HSPA12A: variants seen among roughly 807,000 people sequenced by gnomAD.
The protein encoded by HSPA12A is heat shock 70 kDa protein 12A.
In HSPA12A, 28 loss-of-function variants were observed where a neutral mutation model predicts 69.2. The observed-to-expected ratio is 0.40, with a 90% CI of 0.30 to 0.55. HSPA12A has a LOEUF of 0.55. HSPA12A is among the 20% of genes least tolerant of loss of function. The pLI, the probability that HSPA12A is intolerant of heterozygous loss-of-function variation, is 0.38. For synonymous variants in HSPA12A, 345 were observed against 370.5 expected, an observed-to-expected ratio of 0.93 and a Z score of 0.79; for missense variants, 686 against 900.7, an observed-to-expected ratio of 0.76 and a Z score of 3.05.
chr10:116,807,049 GGAAT>G (rs1306881313), intron 2 of HSPA12A, among the ~76,000 whole-genome samples: 1 of 152,202 alleles, frequency 6.6e-6, no homozygotes, highest in Non-Finnish European at 1.5e-5. Flanking sequence ...CGTCAGCCAA[GGAAT>G]GCCTGGAGCA....
chr10:116,731,553 A>G (rs1851153712), intron 1 of HSPA12A, among the ~76,000 whole-genome samples: 1 of 152,234 alleles, frequency 6.6e-6, no homozygotes. Flanking sequence ...CAGTTACCCC[A>G]TGTAGCATGA....
chr10:116,738,990 T>C (rs1205719429), intron 1 of HSPA12A, among the ~76,000 whole-genome samples: 1 of 152,186 alleles, frequency 6.6e-6, no homozygotes, highest in Non-Finnish European at 1.5e-5. Flanking sequence ...GCCCAGAGCA[T>C]CACCCTGACC....
At chr10:116,677,606 C>A (rs1849277484) in intron 10 of HSPA12A, among the ~76,000 whole-genome samples, 1 of 152,228 alleles carries the variant, frequency 6.6e-6, no homozygotes, top group Non-Finnish European at 1.5e-5. Flanking sequence ...TCCAGACTGG[C>A]CCTGCTCCAA....
chr10:116,674,523 T>G lies in HSPA12A; in HGVS notation c.*258A>C. On this transcript the variant is annotated 3_prime_UTR_variant, in exon 12 of 12. Transcript: ENST00000369209. Reference sequence around the variant, plus strand: ...CTTCTCCGTGGCCATTTCACCACTTTTGTACCTATGAAAACTAGCTGCTCC... The same window carrying G: ...CTTCTCCGTGGCCATTTCACCACTTGTGTACCTATGAAAACTAGCTGCTCC... 1 of 521,788 alleles carries G rather than the reference T, an allele frequency of 1.9e-6. No homozygotes were observed. Among genetic ancestry groups the G allele is most frequent in the African/African-American group, 1.9e-5 (1 of 52,608 alleles). The allele number at this position is 521,788 out of a possible 1,614,324, so 32.3% of individuals were successfully genotyped here.
chr10:116,707,249 C>T lies in HSPA12A; in HGVS notation c.77G>A (p.Arg26Gln), dbSNP rs187384662. ...CGTTATTCCTGTGTCCCCAAGACTC[C>T]GGGCTGGAGATGAATATGCAGATGT... ...APTSAYSSPARSLGDTGITPL... is the reference protein window; with the variant it reads ...APTSAYSSPAQSLGDTGITPL... Residue 26 changes from arginine to glutamine, a missense_variant, in exon 2 of 12, where the codon CGG becomes CAG. Arg to Gln is a conservative substitution (Grantham distance 43). Transcript: ENST00000369209. The T allele has an allele frequency of 1.7e-4, 279 of 1,612,876 alleles. 1 individual carries two copies. The East Asian group carries it at 4.4e-3, about 26-fold the overall frequency.
intron 1 of HSPA12A, among the ~76,000 whole-genome samples, chr10:116,740,669 TGTGTGTCTGTGTGTGTGTGTGTGTGTGC>T (rs1191003747): frequency 0.063 from 354 of 5,608 alleles, 5 homozygotes; most frequent in African/African-American, 0.13. Flanking sequence ...TGTGTGTGTG[TGTGTGTCTGTGTGTGTGTGTGTGTGTGC>T]GTGTGTGTGT....
chr10:116,691,606 T>A (rs1191927422), intron 6 of HSPA12A, among the ~76,000 whole-genome samples: 1 of 152,168 alleles, frequency 6.6e-6, no homozygotes, highest in African/African-American at 2.4e-5. Flanking sequence ...GGGGCTTAAG[T>A]GCAACAGGAG....
At position 116,672,911 on chromosome 10, in the gene HSPA12A, T is replaced by C. The variant is rs1554876956; in HGVS notation, c.*1870A>G. ...ACTAACCAGCACACTCTAAGTTCTGTGGTTTGTTCGTTGTTTCACATTCTA... is the reference window on the plus strand; with the variant it reads ...ACTAACCAGCACACTCTAAGTTCTGCGGTTTGTTCGTTGTTTCACATTCTA... On this transcript the variant is annotated 3_prime_UTR_variant, in exon 12 of 12. Coordinates refer to ENST00000369209, the MANE Select transcript of HSPA12A (RefSeq NM_025015.3). 6.6e-6 allele frequency: 1 copy of C among 152,592 alleles called. No individual in the cohort carries two copies. Among genetic ancestry groups the C allele is most frequent in the African/African-American group, 2.4e-5 (1 of 41,424 alleles). 9.5% of individuals were successfully genotyped at this position (152,592 alleles called of 1,614,324 possible). A position where few individuals can be genotyped will look rare whatever the true frequency, so the allele number is the denominator to read the frequency against.
At chr10:116,733,541 C>T (rs1256178350) in intron 1 of HSPA12A, among the ~76,000 whole-genome samples, 3 of 152,222 alleles carry the variant, frequency 2.0e-5, no homozygotes, top group African/African-American at 7.2e-5. Flanking sequence ...CCATTTCCCT[C>T]TGAGATCTTG....
At position 116,672,603 on chromosome 10, in the gene HSPA12A, T is replaced by A. The variant is rs1230236473; in HGVS notation, c.*2178A>T. ...ATTAAGAAACCAAACTATGGAAAAT[T>A]AAGGACAGTAACAAAAGTATCATCA... On this transcript the variant is annotated 3_prime_UTR_variant, in exon 12 of 12. Transcript: ENST00000369209. The A allele has an allele frequency of 6.6e-6, 1 of 152,512 alleles. No homozygotes were observed. Among genetic ancestry groups the A allele is most frequent in the Non-Finnish European group, 1.5e-5 (1 of 68,026 alleles). 9.4% of individuals were successfully genotyped at this position (152,512 alleles called of 1,614,324 possible). A position where few individuals can be genotyped will look rare whatever the true frequency, so the allele number is the denominator to read the frequency against.
intron 2 of HSPA12A, among the ~76,000 whole-genome samples, chr10:116,766,730 C>G (rs1318751987): frequency 2.0e-5 from 3 of 152,216 alleles, no homozygotes; most frequent in Admixed American, 2.0e-4. Flanking sequence ...CAAACTCACT[C>G]TTGCTAGGAG....
intron 1 of HSPA12A, among the ~76,000 whole-genome samples, chr10:116,728,443 C>T (rs1665645): frequency 0.69 from 105,230 of 152,114 alleles, 36,922 homozygotes; most frequent in Middle Eastern, 0.87. Flanking sequence ...CACAAGGGCA[C>T]AATATCAGAA....
At chr10:116,681,112 T>C (rs1554878511) in intron 9 of HSPA12A, 40 bp downstream of exon 9, 1 of 1,372,186 alleles carries the variant, frequency 7.3e-7, no homozygotes, top group Non-Finnish European at 1.0e-6. Context: ...CTGCCTGGAA[T>C]TGGCTCAGGA....
chr10:116,675,248 A>G lies in HSPA12A; in HGVS notation c.1561T>C (p.Phe521Leu). Residue 521 changes from phenylalanine to leucine, a missense_variant, in exon 12 of 12, where the codon TTT (phenylalanine) becomes CTT (leucine). Physicochemically the swap from Phe to Leu is conservative, Grantham distance 22 (BLOSUM62 0). Coordinates refer to ENST00000369209, the MANE Select transcript of HSPA12A (RefSeq NM_025015.3). The surrounding 1 kb of genome is among the most constrained non-coding windows in gnomAD (Gnocchi z 5.2). ...GLTILKGAVL[F>L]GLDPAVIKVR... ...TTGATGACCGCGGGGTCCAGGCCAAAGAGGACGGCACCCTTGAGGATGGTG... is the reference window on the plus strand; with the variant it reads ...TTGATGACCGCGGGGTCCAGGCCAAGGAGGACGGCACCCTTGAGGATGGTG... The G allele has an allele frequency of 6.2e-7, 1 of 1,613,714 alleles. No homozygotes were observed. Among genetic ancestry groups the G allele is most frequent in the Non-Finnish European group, 8.5e-7 (1 of 1,180,024 alleles).
intron 1 of HSPA12A, among the ~76,000 whole-genome samples, chr10:116,734,971 G>A (rs539481193): frequency 2.0e-5 from 3 of 152,212 alleles, no homozygotes; most frequent in Non-Finnish European, 2.9e-5. Context: ...CAGCCTGAGC[G>A]ACAGAGCGAG....
chr10:116,771,090 C>T (rs990030626), intron 2 of HSPA12A, among the ~76,000 whole-genome samples: 2 of 151,986 alleles, frequency 1.3e-5, no homozygotes, highest in Non-Finnish European at 2.9e-5. Context: ...GTTTGCAAAC[C>T]CTGGACTGTG....
intron 1 of HSPA12A, among the ~76,000 whole-genome samples, chr10:116,836,673 A>G (rs1325946980): frequency 6.6e-6 from 1 of 152,132 alleles, no homozygotes; most frequent in Non-Finnish European, 1.5e-5. Flanking sequence ...TCCTGGAGTT[A>G]CAAATTTTTG....
chr10:116,688,837 C>A (rs556306568), intron 6 of HSPA12A, among the ~76,000 whole-genome samples: 47 of 152,328 alleles, frequency 3.1e-4, no homozygotes, highest in African/African-American at 1.0e-3. Context: ...TTGATATAAA[C>A]TGGACTATTT....
chr10:116,808,201 G>A (rs571329333), intron 2 of HSPA12A, among the ~76,000 whole-genome samples: 125 of 151,532 alleles, frequency 8.2e-4, no homozygotes, highest in African/African-American at 2.9e-3. Context: ...TCTGATGAGG[G>A]ATGAATGCTG....
Sources: allele counts gnomAD v4.1 joint callset (sites outside exome capture counted in the v4.1 genomes callset), GRCh38; gene constraint gnomAD v4.1.1; non-coding constraint Gnocchi (gnomAD v3.1); transcripts MANE v1.5; gene names NCBI Gene and HGNC (gene_info 2026-07-23, HGNC 2026-07-21).